The following PKP4 variants were observed in gnomAD, a reference collection of about 807,000 sequenced individuals.
The protein encoded by PKP4 is plakophilin-4.
Under a neutral mutation model 145.1 loss-of-function variants are expected in PKP4, and 90 were observed. That is an observed-to-expected ratio of 0.62 (90% confidence interval 0.52 to 0.74). The LOEUF (loss-of-function observed/expected upper bound fraction) is 0.74. PKP4 is among the 30% of genes least tolerant of loss of function. The probability of loss-of-function intolerance (pLI) is 0.00; values close to 1 mark genes in which losing one functional copy is unlikely to be tolerated. For missense variants in PKP4, 1,340 were observed against 1,482.7 expected, an observed-to-expected ratio of 0.90 and a Z score of 1.58; for synonymous variants, 563 against 577.2, an observed-to-expected ratio of 0.98 and a Z score of 0.35.
intron 2 of PKP4, among the ~76,000 whole-genome samples, chr2:158,542,056 C>T (rs1371660657): frequency 1.3e-5 from 2 of 152,038 alleles, no homozygotes; most frequent in Non-Finnish European, 2.9e-5. Context: ...GAAAATACTT[C>T]TGTTAATTAT....
intron 16 of PKP4, chr2:158,669,289 G>A (rs915108033): frequency 2.0e-5 from 3 of 152,904 alleles, no homozygotes; most frequent in African/African-American, 7.2e-5. Context: ...GCCTGACTTG[G>A]TCCAGATTCA....
rs911168527 is a variant in PKP4, at chr2:158,680,998, A to AT, written c.*328dup. On this transcript the variant is annotated 3_prime_UTR_variant, in exon 22 of 22. Coordinates refer to ENST00000389759, the MANE Select transcript of PKP4 (RefSeq NM_003628.6). ...TGTAGGTCAAATCAAATTAAAGATG[A>AT]TTTTTTTAATGTGAATAAAGTTATG... 42 of 231,904 alleles carry AT rather than the reference A, an allele frequency of 1.8e-4. No individual in the cohort carries two copies. The Admixed American group carries it at 2.0e-3, about 11-fold the overall frequency. The allele number at this position is 231,904 out of a possible 1,614,324, so 14.4% of individuals were successfully genotyped here.
chr2:158,489,270 G>A lies in PKP4; in HGVS notation c.-6+32052G>A, dbSNP rs191410610. Among the ~76,000 whole-genome samples the A allele has an allele frequency of 1.5e-3, 225 of 151,990 alleles. 1 individual carries two copies. Among genetic ancestry groups the A allele is most frequent in the African/African-American group, 5.0e-3 (207 of 41,458 alleles). ...TATCTGGGCTTCTCTTTTTTGAACTGCTATTTATAGTAACTTTCTAGGGTT... is the reference window on the plus strand; with the variant it reads ...TATCTGGGCTTCTCTTTTTTGAACTACTATTTATAGTAACTTTCTAGGGTT... On this transcript the variant is annotated intron_variant, in intron 1 of 21. Coordinates refer to ENST00000389759, the MANE Select transcript of PKP4 (RefSeq NM_003628.6).
At chr2:158,578,805 A>G (rs1384406462) in intron 3 of PKP4, among the ~76,000 whole-genome samples, 2 of 152,208 alleles carry the variant, frequency 1.3e-5, no homozygotes, top group African/African-American at 4.8e-5. Context: ...ATCAATAATA[A>G]AGACCAATAC....
At chr2:158,592,302 A>C (rs1465729098) in intron 3 of PKP4, among the ~76,000 whole-genome samples, 3 of 152,032 alleles carry the variant, frequency 2.0e-5, no homozygotes, top group Non-Finnish European at 4.4e-5. Context: ...TAGGATCCAG[A>C]TGTCTTACTA....
chr2:158,669,684 T>C, intron 16 of PKP4, 36 bp from the exon 17 acceptor site: 1 of 1,480,186 alleles, frequency 6.8e-7, no homozygotes, highest in South Asian at 1.5e-5. Flanking sequence ...ACCTAGTACC[T>C]TCTGGAAGTA....
chr2:158,586,879 T>C (rs940816192), intron 3 of PKP4, among the ~76,000 whole-genome samples: 1 of 152,222 alleles, frequency 6.6e-6, no homozygotes, highest in African/African-American at 2.4e-5. Flanking sequence ...TAAACTAGTA[T>C]AACTGAGTCT....
At chr2:158,487,836 GAA>G (rs1456847408) in intron 1 of PKP4, among the ~76,000 whole-genome samples, 1 of 151,842 alleles carries the variant, frequency 6.6e-6, no homozygotes, top group African/African-American at 2.4e-5. Context: ...AGGGAGGAAG[GAA>G]AAAGATTTGA....
chr2:158,661,194 A>G (rs953656996), intron 12 of PKP4, 139 bp from the exon 13 acceptor site: 2 of 606,106 alleles, frequency 3.3e-6, no homozygotes, highest in Admixed American at 2.4e-5. Flanking sequence ...GGATGTTACC[A>G]TGCAAGCCCC....
chr2:158,663,276 A>G lies in PKP4; in HGVS notation c.2408A>G (p.Asp803Gly), dbSNP rs1282623635. 1 of 1,611,912 alleles carries G rather than the reference A, an allele frequency of 6.2e-7. No individual in the cohort carries two copies. Among genetic ancestry groups the G allele is most frequent in the Non-Finnish European group, 8.5e-7 (1 of 1,179,338 alleles). Residue 803 changes from aspartate to glycine, a missense_variant, in exon 15 of 22, where the codon GAT becomes GGT. Asp to Gly is a moderately conservative substitution (Grantham distance 94). Transcript: ENST00000389759. ...CGTGTGCTGTTTGTCTTTCAGTGGG[A>G]TGGAGTTGGTCCTATCCCAGGACTG... ...KKRTPQEDQWDGVGPIPGLSK... is the reference protein window; with the variant it reads ...KKRTPQEDQWGGVGPIPGLSK...
At chr2:158,555,165 A>G (rs1382682397) in intron 2 of PKP4, among the ~76,000 whole-genome samples, 1 of 152,196 alleles carries the variant, frequency 6.6e-6, no homozygotes, top group Non-Finnish European at 1.5e-5. Flanking sequence ...GATCTGTACC[A>G]ATCCCTAGTG....
intron 2 of PKP4, among the ~76,000 whole-genome samples, chr2:158,537,988 G>T (rs2044200588): frequency 6.6e-6 from 1 of 152,182 alleles, no homozygotes; most frequent in Non-Finnish European, 1.5e-5. Context: ...CTGCACTCCA[G>T]CCTGGGTGAC....
intron 1 of PKP4, among the ~76,000 whole-genome samples, chr2:158,490,362 A>AT (rs1404394319): frequency 6.6e-6 from 1 of 151,844 alleles, no homozygotes; most frequent in Non-Finnish European, 1.5e-5. Context: ...AAAAAAAAAA[A>AT]AAAAGACGGC....
intron 9 of PKP4, among the ~76,000 whole-genome samples, chr2:158,639,829 C>A (rs2054126570): frequency 6.6e-6 from 1 of 152,188 alleles, no homozygotes; most frequent in African/African-American, 2.4e-5. Flanking sequence ...TACCGCTTCG[C>A]AGTTTACAGC....
At chr2:158,546,435 T>G (rs972485540) in intron 2 of PKP4, among the ~76,000 whole-genome samples, 6 of 152,214 alleles carry the variant, frequency 3.9e-5, no homozygotes, top group African/African-American at 1.4e-4. Context: ...TATTTAAACC[T>G]GATGCTTTTG....
chr2:158,640,514 G>A (rs1355707104), intron 9 of PKP4, 113 bp from the exon 10 acceptor site: 9 of 1,139,782 alleles, frequency 7.9e-6, no homozygotes, highest in South Asian at 1.5e-5. Flanking sequence ...TAGGATTTTT[G>A]TAACTTCCCA....
intron 19 of PKP4, among the ~76,000 whole-genome samples, chr2:158,675,044 G>T (rs748458701): frequency 1.3e-5 from 2 of 152,106 alleles, no homozygotes; most frequent in Non-Finnish European, 2.9e-5. Context: ...CTACGTGTCT[G>T]GTTTTTAACA....
rs869120223 is a variant in PKP4, at chr2:158,530,504, C to CTTTTTT, written c.-5-2657_-5-2652dup. On this transcript the variant is annotated intron_variant, in intron 1 of 21. Transcript: ENST00000389759. ...TTTACGATAGAAGTACTCTTTCTTT[C>CTTTTTT]TTTTTTTTTTTTTTTTTTTTTTTTG... 6.8e-3 allele frequency among the ~76,000 whole-genome samples: 630 copies of CTTTTTT among 92,030 alleles called. 6 individuals are homozygous for CTTTTTT. Among genetic ancestry groups the CTTTTTT allele is most frequent in the African/African-American group, 0.018 (425 of 23,292 alleles). The allele number at this position is 92,030 out of a possible 152,430, so 60.4% of individuals were successfully genotyped here. A position where few individuals can be genotyped will look rare whatever the true frequency, so the allele number is the denominator to read the frequency against.
intron 2 of PKP4, among the ~76,000 whole-genome samples, chr2:158,571,069 G>T (rs2047373748): frequency 6.6e-6 from 1 of 152,184 alleles, no homozygotes. Context: ...TAGTGTGAAT[G>T]TGGGGGCAGG....
Sources: gnomAD v4.1 joint callset for allele counts (sites outside exome capture counted in the v4.1 genomes callset) on GRCh38, gnomAD v4.1.1 for gene constraint, MANE v1.5 for transcripts, NCBI Gene and HGNC (gene_info 2026-07-23, HGNC 2026-07-21) for gene names.